The following BFAR variants were observed in gnomAD, a reference collection of about 807,000 sequenced individuals.
The protein encoded by BFAR is RING finger protein 47.
A neutral mutation model predicts 54.4 loss-of-function variants in BFAR; 52 were observed. The ratio of observed to expected loss-of-function variants is 0.96; its 90% CI spans 0.77 to 1.21. BFAR has a LOEUF of 1.21. Among genes scored for constraint, BFAR ranks in the 50% most tolerant of loss-of-function variants. BFAR has a pLI of 0.00. For missense variants in BFAR, 571 were observed against 534.0 expected (o/e 1.07, Z -0.68); for synonymous variants, 215 against 204.3 (o/e 1.05, Z -0.45).
At chr16:14,664,254 G>A (rs377179557) in intron 6 of BFAR, among the ~76,000 whole-genome samples, 19 of 152,020 alleles carry the variant, frequency 1.2e-4, no homozygotes, top group Admixed American at 8.5e-4. Context: ...GCTTAGGGTC[G>A]GGATTTATGG....
rs1295639386 is a variant in BFAR at position 14,659,225 on chromosome 16, G to GTTTTTTTTT, written c.784-2659_784-2658insTTTTTTTTT. On this transcript the variant is annotated intron_variant, in intron 5 of 7. Transcript: ENST00000261658. ...TGCCCAGCCTGTAGTATGCAATTTG[G>GTTTTTTTTT]TTTTTTTTGTTTTTTTTTGTTTTTT... 5.7e-5 allele frequency among the ~76,000 whole-genome samples: 8 copies of GTTTTTTTTT among 141,302 alleles called. 1 individual carries two copies. Among genetic ancestry groups the GTTTTTTTTT allele is most frequent in the Non-Finnish European group, 9.3e-5 (6 of 64,302 alleles). 92.7% of individuals were successfully genotyped at this position (141,302 alleles called of 152,430 possible). A position where few individuals can be genotyped will look rare whatever the true frequency, so the allele number is the denominator to read the frequency against.
chr16:14,659,299 T>G (rs1205831588), intron 5 of BFAR, among the ~76,000 whole-genome samples: 1 of 150,724 alleles, frequency 6.6e-6, no homozygotes, highest in African/African-American at 2.4e-5. Flanking sequence ...TGGAGTGCAG[T>G]GGCATGATCT....
chr16:14,650,092 C>T (rs965445136), intron 4 of BFAR, 119 bp downstream of exon 4: 3 of 1,002,504 alleles, frequency 3.0e-6, no homozygotes, highest in Non-Finnish European at 4.2e-6. Flanking sequence ...GAGGCCGAGG[C>T]GGATCGATCA....
At chr16:14,654,471 T>TTATTTCTCTAAG (rs1354127984) in intron 4 of BFAR, among the ~76,000 whole-genome samples, 1 of 151,022 alleles carries the variant, frequency 6.6e-6, no homozygotes, top group Non-Finnish European at 1.5e-5. Flanking sequence ...GAAAGTCACC[T>TTATTTCTCTAAG]TATTTCTCTA....
rs1251249190 is a variant in BFAR at position 14,668,211 on chromosome 16, C to T, written c.*384C>T. 6 of 209,832 alleles carry T rather than the reference C, an allele frequency of 2.9e-5. No homozygotes were observed. Among genetic ancestry groups the T allele is most frequent in the Non-Finnish European group, 4.8e-5 (5 of 104,756 alleles). 13.0% of individuals were successfully genotyped at this position (209,832 alleles called of 1,614,324 possible). A position where few individuals can be genotyped will look rare whatever the true frequency, so the allele number is the denominator to read the frequency against. On this transcript the variant is annotated 3_prime_UTR_variant, in exon 8 of 8. Transcript: ENST00000261658. The stretch of plus-strand genomic sequence containing the variant: ...CAACCTCAGTGACTGACAGAGGATC[C>T]GGATCTCAGAGCCTGAGACCAGGTT...
chr16:14,658,995 C>A (rs577767852), intron 5 of BFAR, among the ~76,000 whole-genome samples: 8 of 151,990 alleles, frequency 5.3e-5, no homozygotes, highest in Non-Finnish European at 8.8e-5. Context: ...GCAAACTCCA[C>A]CTCCCAGGTT....
chr16:14,648,476 G>A lies in BFAR; in HGVS notation c.352G>A (p.Ala118Thr). 6.2e-7 allele frequency: 1 copy of A among 1,613,782 alleles called. No individual in the cohort carries two copies. The highest frequency in any genetic ancestry group is 2.2e-5 in the East Asian group (1 of 44,882). The change falls in exon 3 of 8, where the codon GCC becomes ACC. Residue 118 changes from alanine to threonine, a missense_variant. Ala to Thr is a moderately conservative substitution (Grantham distance 58, BLOSUM62 0). Coordinates refer to ENST00000261658, the MANE Select transcript of BFAR (RefSeq NM_016561.3). ...TAATGACATAGTCCAAAGTCTTGCA[G>A]CCTTTCAGAAATATGGGAATGATCA... is the stretch of plus-strand genomic sequence containing the variant. ...QNNDIVQSLA[A>T]FQKYGNDQIP... is the part of the protein sequence containing the mutation.
At chr16:14,666,396 C>T (rs1018926336) in intron 7 of BFAR, among the ~76,000 whole-genome samples, 1 of 152,144 alleles carries the variant, frequency 6.6e-6, no homozygotes, top group East Asian at 1.9e-4. Context: ...CATAGTGAAA[C>T]CTCATCTCTA....
intron 6 of BFAR, among the ~76,000 whole-genome samples, chr16:14,662,692 A>AT (rs1288455686): frequency 2.0e-5 from 3 of 151,906 alleles, no homozygotes; most frequent in Non-Finnish European, 4.4e-5. Flanking sequence ...TAATTGTTGC[A>AT]TTTTTTGCAG....
At chr16:14,665,267 A>T in intron 7 of BFAR, 196 bp downstream of exon 7, 1 of 579,566 alleles carries the variant, frequency 1.7e-6, no homozygotes, top group Non-Finnish European at 3.0e-6. Flanking sequence ...TGTGGTGCTC[A>T]TTGTTAAAAG....
In BFAR at chr16:14,656,026, G is replaced by A. The variant is rs550534928; in HGVS notation, c.783+816G>A. Among the ~76,000 whole-genome samples the A allele has an allele frequency of 3.2e-3, 490 of 152,042 alleles. 2 individuals are homozygous for A. The highest frequency in any genetic ancestry group is 4.6e-3 in the Non-Finnish European group (313 of 67,970). On this transcript the variant is annotated intron_variant, in intron 5 of 7. Transcript: ENST00000261658. ...GCAGTTTGAGACCAGCCTGGCCAAC[G>A]TGGTGAAACCCCGTCTCTACTAAAA...
chr16:14,633,119 C>T, intron 1 of BFAR, 101 bp downstream of exon 1: 1 of 152,412 alleles, frequency 6.6e-6, no homozygotes, highest in African/African-American at 2.4e-5. Flanking sequence ...GCGGAGCCTC[C>T]CCAGCCGGGT....
rs759302751 is a variant in BFAR at position 14,648,506 on chromosome 16, C to T, written c.382C>T (p.Pro128Ser). ...TCAGAAATATGGGAATGATCAGATT[C>T]CTTTAGCTCCTAACACAGGCCGAGC... is the stretch of plus-strand genomic sequence containing the variant. ...AFQKYGNDQI[P>S]LAPNTGRANQ... The change falls in exon 3 of 8, where the codon CCT becomes TCT. Residue 128 changes from proline to serine, a missense_variant. Coordinates refer to ENST00000261658, the MANE Select transcript of BFAR (RefSeq NM_016561.3). 6.8e-6 allele frequency: 11 copies of T among 1,613,832 alleles called. No homozygotes were observed. The South Asian group carries it at 1.1e-4, about 16-fold the overall frequency.
chr16:14,643,408 C>G (rs2151836686), intron 1 of BFAR, among the ~76,000 whole-genome samples: 1 of 152,256 alleles, frequency 6.6e-6, no homozygotes, highest in East Asian at 1.9e-4. Flanking sequence ...AATCTCTGCC[C>G]ACATCCTTCG....
intron 7 of BFAR, among the ~76,000 whole-genome samples, chr16:14,666,365 G>A (rs1317830361): frequency 6.6e-6 from 1 of 152,162 alleles, no homozygotes; most frequent in Non-Finnish European, 1.5e-5. Context: ...GAGGTCAGGA[G>A]TTCGAGACCA....
chr16:14,661,057 A>G (rs1478157238), intron 5 of BFAR, among the ~76,000 whole-genome samples: 1 of 152,104 alleles, frequency 6.6e-6, no homozygotes, highest in Non-Finnish European at 1.5e-5. Flanking sequence ...TACTTTTATA[A>G]TAAGGAAGTA....
At chr16:14,637,410 G>T (rs993287051) in intron 1 of BFAR, among the ~76,000 whole-genome samples, 1 of 151,818 alleles carries the variant, frequency 6.6e-6, no homozygotes, top group Non-Finnish European at 1.5e-5. Context: ...CCAGGGACCA[G>T]ACCATGATTT....
Position 14,667,896 on chromosome 16 carries a change from AG to A in BFAR, c.*71del, listed in dbSNP as rs1159941632. The A allele has an allele frequency of 7.4e-6, 11 of 1,492,776 alleles. No homozygotes were observed. The highest frequency in any genetic ancestry group is 1.0e-5 in the Non-Finnish European group (11 of 1,083,174). The allele number at this position is 1,492,776 out of a possible 1,614,324, so 92.5% of individuals were successfully genotyped here. On this transcript the variant is annotated 3_prime_UTR_variant, in exon 8 of 8. Transcript: ENST00000261658. The stretch of plus-strand genomic sequence containing the variant: ...TGAGCTTTGATGCTTAAGAGGGGTG[AG>A]GCAGGGAGCGGACTTCCTATTTTCT...
intron 7 of BFAR, chr16:14,665,276 A>AT (rs1340356058): frequency 1.7e-6 from 1 of 576,212 alleles, no homozygotes; most frequent in African/African-American, 1.9e-5. Flanking sequence ...CATTGTTAAA[A>AT]GTATTTTCCT....
Sources: gnomAD v4.1 joint callset for allele counts (sites outside exome capture counted in the v4.1 genomes callset) on GRCh38, gnomAD v4.1.1 for gene constraint, MANE v1.5 for transcripts, NCBI Gene and HGNC (gene_info 2026-07-23, HGNC 2026-07-21) for gene names.